The following TNFRSF11A variants were observed in gnomAD, a reference collection of about 807,000 sequenced individuals.
The protein encoded by TNFRSF11A is tumor necrosis factor receptor superfamily member 11A.
In TNFRSF11A, 32 loss-of-function variants were observed where a neutral mutation model predicts 55.7. That is an observed-to-expected ratio of 0.57 (90% confidence interval 0.43 to 0.77). TNFRSF11A has a LOEUF of 0.77. Among genes scored for constraint, TNFRSF11A ranks in the 30% least tolerant of loss-of-function variants. TNFRSF11A has a pLI of 0.00. For missense variants in TNFRSF11A, 753 were observed against 809.8 expected, an observed-to-expected ratio of 0.93 and a Z score of 0.85; for synonymous variants, 311 against 331.0, an observed-to-expected ratio of 0.94 and a Z score of 0.65.
chr18:62,368,448 T>G (rs1374402106), intron 8 of TNFRSF11A, among the ~76,000 whole-genome samples: 1 of 152,226 alleles, frequency 6.6e-6, no homozygotes, highest in Non-Finnish European at 1.5e-5. Context: ...GGTTAGCTCC[T>G]CTCCTTGCTC....
At chr18:62,364,527 G>T (rs1390013772) in intron 7 of TNFRSF11A, among the ~76,000 whole-genome samples, 1 of 152,118 alleles carries the variant, frequency 6.6e-6, no homozygotes, top group Non-Finnish European at 1.5e-5. Flanking sequence ...ATCATGGCAG[G>T]TCTGCATGTT....
intron 3 of TNFRSF11A, among the ~76,000 whole-genome samples, chr18:62,351,904 C>G (rs551655751): frequency 6.6e-6 from 1 of 152,202 alleles, no homozygotes; most frequent in Non-Finnish European, 1.5e-5. Flanking sequence ...TCAAACGATT[C>G]TCCTGCCTTG....
chr18:62,349,882 C>G lies in TNFRSF11A; in HGVS notation c.228C>G (p.Tyr76Ter). ...GTCTGCCCTGTGGCCCGGATGAATACTTGGATAGCTGGAATGAAGAAGATA... is the reference window on the plus strand; with the variant it reads ...GTCTGCCCTGTGGCCCGGATGAATAGTTGGATAGCTGGAATGAAGAAGATA... Reference protein sequence around the residue: ...SVCLPCGPDEYLDSWNEEDKC... With the variant: ...SVCLPCGPDE The change falls in exon 3 of 10, where the codon TAC becomes TAG. Residue 76 changes from tyrosine (Y) to a stop codon, truncating the protein, a stop_gained. Transcript: ENST00000586569. LOFTEE classifies it high-confidence loss of function. 1.9e-6 allele frequency: 3 copies of G among 1,614,084 alleles called. No homozygotes were observed. The highest frequency in any genetic ancestry group is 2.5e-6 in the Non-Finnish European group (3 of 1,179,992).
chr18:62,361,652 C>G (rs1251990114), intron 6 of TNFRSF11A, 28 bp from the exon 7 acceptor site: 1 of 1,568,626 alleles, frequency 6.4e-7, no homozygotes, highest in South Asian at 1.1e-5. Context: ...ATCTTTACTA[C>G]CATATTTCTC....
rs77324469 is a variant in TNFRSF11A at position 62,337,707 on chromosome 18, A to G, written c.76-10461A>G. On this transcript the variant is annotated intron_variant, in intron 1 of 9. Coordinates refer to ENST00000586569, the MANE Select transcript of TNFRSF11A (RefSeq NM_003839.4). ...ACCACCACCTTACATAGATTGTTTC[A>G]CTTTTTTCATGACAATTGTTGCGAC... Among the ~76,000 whole-genome samples, 96 of 152,174 alleles carry G rather than the reference A, an allele frequency of 6.3e-4. 2 individuals carry two copies. The East Asian group carries it at 0.017, about 27-fold the overall frequency.
At chr18:62,341,822 CAGGCTGAGA>C (rs2046313779) in intron 1 of TNFRSF11A, among the ~76,000 whole-genome samples, 1 of 134,524 alleles carries the variant, frequency 7.4e-6, no homozygotes, top group Non-Finnish European at 1.5e-5. Context: ...TGAGGAGACT[CAGGCTGAGA>C]ATGGCTTTTT....
chr18:62,338,022 A>G (rs1243102628), intron 1 of TNFRSF11A, among the ~76,000 whole-genome samples: 1 of 152,258 alleles, frequency 6.6e-6, no homozygotes, highest in Non-Finnish European at 1.5e-5. Flanking sequence ...CATTTCTTCA[A>G]GGAAGATACA....
At position 62,387,054 on chromosome 18, in the gene TNFRSF11A, T is replaced by C. The variant is rs567936349; in HGVS notation, c.*2020T>C. ...TGAGCACTTCGCTTTTCTTTGCTTT[T>C]ATTTTTTCCTTCTATAAAAAGGCAA... On this transcript the variant is annotated 3_prime_UTR_variant, in exon 10 of 10. Transcript: ENST00000586569. 14 of 152,380 alleles carry C rather than the reference T, an allele frequency of 9.2e-5. 1 individual carries two copies. The highest frequency in any genetic ancestry group is 6.8e-3 in the Middle Eastern group (2 of 294). 9.4% of individuals were successfully genotyped at this position (152,380 alleles called of 1,614,324 possible).
intron 7 of TNFRSF11A, among the ~76,000 whole-genome samples, chr18:62,364,653 C>T (rs12960230): frequency 0.12 from 17,762 of 151,922 alleles, 1,502 homozygotes; most frequent in Non-Finnish European, 0.18. Context: ...GTAGGGAGGG[C>T]GTGGTTTACC....
intron 3 of TNFRSF11A, among the ~76,000 whole-genome samples, chr18:62,353,215 T>A (rs1348653300): frequency 6.6e-6 from 1 of 152,228 alleles, no homozygotes; most frequent in Non-Finnish European, 1.5e-5. Flanking sequence ...GATCACCACG[T>A]AAACTTGTTT....
chr18:62,373,759 C>G (rs1910713815), intron 9 of TNFRSF11A, among the ~76,000 whole-genome samples: 1 of 152,108 alleles, frequency 6.6e-6, no homozygotes, highest in Non-Finnish European at 1.5e-5. Context: ...CTGGTTCATC[C>G]TAGCATTATA....
intron 1 of TNFRSF11A, among the ~76,000 whole-genome samples, chr18:62,343,169 G>C (rs1767904863): frequency 2.0e-5 from 3 of 152,162 alleles, no homozygotes; most frequent in Admixed American, 2.0e-4. Flanking sequence ...TCAGAAATTT[G>C]ATACCATCCT....
In TNFRSF11A at chr18:62,385,361, T is replaced by G; in HGVS notation, c.*327T>G. The stretch of plus-strand genomic sequence containing the variant: ...TGTTCTGTGGGGGGGGGGGTCTGTT[T>G]TCCCCCCATATTTGTATTCCTTTTC... On this transcript the variant is annotated 3_prime_UTR_variant, in exon 10 of 10. Coordinates refer to ENST00000586569, the MANE Select transcript of TNFRSF11A (RefSeq NM_003839.4). 2 of 250,818 alleles carry G rather than the reference T, an allele frequency of 8.0e-6. No individual in the cohort carries two copies. Among genetic ancestry groups the G allele is most frequent in the African/African-American group, 2.3e-5 (1 of 44,212 alleles). 15.5% of individuals were successfully genotyped at this position (250,818 alleles called of 1,614,324 possible). A position where few individuals can be genotyped will look rare whatever the true frequency, so the allele number is the denominator to read the frequency against.
At chr18:62,378,577 A>G (rs1167568422) in intron 9 of TNFRSF11A, among the ~76,000 whole-genome samples, 1 of 152,218 alleles carries the variant, frequency 6.6e-6, no homozygotes, top group Non-Finnish European at 1.5e-5. Flanking sequence ...GGGAGGAGGA[A>G]TGCCACCATT....
intron 1 of TNFRSF11A, among the ~76,000 whole-genome samples, chr18:62,347,634 C>T (rs1044330594): frequency 3.3e-5 from 5 of 152,144 alleles, no homozygotes; most frequent in South Asian, 2.1e-4. Flanking sequence ...GTAAGCAGGC[C>T]GGGCGTGGTG....
At chr18:62,344,737 G>A (rs1051946358) in intron 1 of TNFRSF11A, among the ~76,000 whole-genome samples, 5 of 152,208 alleles carry the variant, frequency 3.3e-5, no homozygotes, top group African/African-American at 1.2e-4. Flanking sequence ...GGCTGGCAGG[G>A]CAGTTAATGG....
intron 1 of TNFRSF11A, among the ~76,000 whole-genome samples, chr18:62,332,576 C>T (rs1178425984): frequency 6.6e-6 from 1 of 152,112 alleles, no homozygotes; most frequent in Non-Finnish European, 1.5e-5. Context: ...CAATTTGACC[C>T]CATTTCCTCA....
chr18:62,359,849 G>T, intron 5 of TNFRSF11A, 106 bp from the exon 6 acceptor site: 4 of 947,716 alleles, frequency 4.2e-6, no homozygotes, highest in Non-Finnish European at 5.2e-6. Flanking sequence ...GAAGGCGTGG[G>T]TTCCTCTCCT....
chr18:62,349,735 T>TTGTTGCTGTTTTGCTTTG, intron 2 of TNFRSF11A, 77 bp from the exon 3 acceptor site: 8 of 1,566,908 alleles, frequency 5.1e-6, no homozygotes, highest in Non-Finnish European at 7.0e-6. Context: ...GGTGCAATTT[T>TTGTTGCTGTTTTGCTTTG]TGTTGCTGTT....
Sources: gnomAD v4.1 joint callset for allele counts (sites outside exome capture counted in the v4.1 genomes callset) on GRCh38, gnomAD v4.1.1 for gene constraint, MANE v1.5 for transcripts, NCBI Gene and HGNC (gene_info 2026-07-23, HGNC 2026-07-21) for gene names.